RFC1: variants seen among roughly 807,000 people sequenced by gnomAD.
The protein encoded by RFC1 is replication factor C subunit 1.
In RFC1, 37 loss-of-function variants were observed where a neutral mutation model predicts 137.4. That is an observed-to-expected ratio of 0.27 (90% CI 0.21 to 0.35). The LOEUF is 0.35. RFC1 is among the 10% of genes least tolerant of loss of function. The pLI is 1.00. For synonymous variants in RFC1, 429 were observed against 455.7 expected, an observed-to-expected ratio of 0.94 and a Z score of 0.75; for missense variants, 1,205 against 1,358.5, an observed-to-expected ratio of 0.89 and a Z score of 1.78.
At chr4:39,366,041 C>T (rs1304391970) in intron 1 of RFC1, among the ~76,000 whole-genome samples, 198 bp downstream of exon 1, 1 of 152,200 alleles carries the variant, frequency 6.6e-6, no homozygotes, top group Non-Finnish European at 1.5e-5. Context: ...CGCTGGCTGC[C>T]GCCCAGAGCC....
intron 9 of RFC1, among the ~76,000 whole-genome samples, 188 bp from the exon 10 acceptor site, chr4:39,317,210 C>T (rs926321744): frequency 2.0e-5 from 3 of 152,182 alleles, no homozygotes; most frequent in Non-Finnish European, 2.9e-5. Flanking sequence ...CCTGCATCAG[C>T]GCTTCTCAAA....
chr4:39,356,839 T>C (rs1164025695), intron 1 of RFC1, among the ~76,000 whole-genome samples: 1 of 152,218 alleles, frequency 6.6e-6, no homozygotes, highest in Non-Finnish European at 1.5e-5. Context: ...TTTAACAGTC[T>C]AGCATGGGTC....
chr4:39,360,247 T>A (rs953720824), intron 1 of RFC1, among the ~76,000 whole-genome samples: 4 of 151,490 alleles, frequency 2.6e-5, no homozygotes, highest in African/African-American at 9.7e-5. Context: ...ACCCCTGTAA[T>A]CCCAGCACTT....
intron 1 of RFC1, among the ~76,000 whole-genome samples, chr4:39,365,657 C>A (rs1174793746): frequency 6.6e-6 from 1 of 152,110 alleles, no homozygotes; most frequent in African/African-American, 2.4e-5. Context: ...GCCATGTTAT[C>A]CTTTTGACTC....
chr4:39,298,861 G>T (rs535035668), intron 21 of RFC1, among the ~76,000 whole-genome samples: 1 of 152,182 alleles, frequency 6.6e-6, no homozygotes, highest in Admixed American at 6.5e-5. Flanking sequence ...GCTCATGCCT[G>T]TAATCCCAGC....
intron 5 of RFC1, among the ~76,000 whole-genome samples, chr4:39,326,975 T>C (rs1301815710): frequency 6.6e-6 from 1 of 152,216 alleles, no homozygotes; most frequent in African/African-American, 2.4e-5. Context: ...TATGTGAGAA[T>C]GATTACATTG....
At chr4:39,312,690 C>A in intron 11 of RFC1, 62 bp downstream of exon 11, 1 of 1,464,974 alleles carries the variant, frequency 6.8e-7, no homozygotes, top group Non-Finnish European at 9.4e-7. Context: ...GGGCAAATCA[C>A]ATCAAGAGTG....
intron 1 of RFC1, among the ~76,000 whole-genome samples, chr4:39,361,365 G>A (rs1355865119): frequency 6.6e-6 from 1 of 152,134 alleles, no homozygotes; most frequent in East Asian, 1.9e-4. Flanking sequence ...CTCCAGCCTG[G>A]GTAACAGCGC....
chr4:39,322,572 A>AGCATTATT (rs1440335273), intron 7 of RFC1, among the ~76,000 whole-genome samples: 1 of 152,218 alleles, frequency 6.6e-6, no homozygotes, highest in Admixed American at 6.5e-5. Context: ...AATTTTTATG[A>AGCATTATT]GCATTATTTT....
At chr4:39,361,195 C>A (rs1021668848) in intron 1 of RFC1, among the ~76,000 whole-genome samples, 1 of 152,020 alleles carries the variant, frequency 6.6e-6, no homozygotes, top group African/African-American at 2.4e-5. Context: ...TCGAGACCAG[C>A]CTGGCCAACA....
chr4:39,300,833 C>T (rs1480774196), intron 19 of RFC1, among the ~76,000 whole-genome samples: 1 of 152,182 alleles, frequency 6.6e-6, no homozygotes, highest in Non-Finnish European at 1.5e-5. Context: ...GTGGCTCACC[C>T]CTGTAATCCG....
At chr4:39,358,161 G>A (rs1578175769) in intron 1 of RFC1, among the ~76,000 whole-genome samples, 3 of 151,980 alleles carry the variant, frequency 2.0e-5, no homozygotes, top group African/African-American at 4.8e-5. Context: ...TGTAATCCCA[G>A]CTACTAGGGA....
rs144094949 is a variant in RFC1, at chr4:39,315,701, T to C, written c.1203+1214A>G. ...TAACAAGATCATCCCCAATACTCTT[T>C]CTTCTCACTTTCCACTTCAATTATC... is the stretch of plus-strand genomic sequence containing the variant. On this transcript the variant is annotated intron_variant, in intron 10 of 24. Coordinates refer to ENST00000349703, the MANE Select transcript of RFC1 (RefSeq NM_002913.5). Among the ~76,000 whole-genome samples, 171 of 152,334 alleles carry C rather than the reference T, an allele frequency of 1.1e-3. 2 individuals are homozygous for C. The East Asian group carries it at 0.024, about 22-fold the overall frequency.
At chr4:39,347,161 T>C (rs1346782291) in intron 2 of RFC1, among the ~76,000 whole-genome samples, 2 of 152,242 alleles carry the variant, frequency 1.3e-5, no homozygotes, top group East Asian at 1.9e-4. Context: ...CCACAAGATG[T>C]CCAGATATTT....
chr4:39,358,136 A>ATGG (rs747116251), intron 1 of RFC1, among the ~76,000 whole-genome samples: 1 of 151,916 alleles, frequency 6.6e-6, no homozygotes, highest in African/African-American at 2.4e-5. Flanking sequence ...ATAGCCAGGC[A>ATGG]TGGTGGTGCA....
intron 4 of RFC1, among the ~76,000 whole-genome samples, chr4:39,338,718 C>T (rs963551560): frequency 6.6e-6 from 1 of 152,112 alleles, no homozygotes; most frequent in Non-Finnish European, 1.5e-5. Context: ...TATAGTGAAG[C>T]AAATTAACAT....
rs1294463605 is a variant in RFC1, at chr4:39,302,861, A to C, written c.2216T>G (p.Leu739Arg). ...DRGGIQELIG[L>R]IKHTKIPIIC... ...AATGGGAATTTTAGTATGTTTTATC[A>C]GGCCAATTAATTCCTGAAAGGCAAG... The change falls in exon 17 of 25, where the codon CTG (leucine) becomes CGG (arginine). Residue 739 changes from leucine to arginine, a missense_variant. Leu to Arg is a moderately radical substitution (Grantham distance 102, BLOSUM62 -2). Transcript: ENST00000349703. 4 of 1,579,438 alleles carry C rather than the reference A, an allele frequency of 2.5e-6. No homozygotes were observed. The highest frequency in any genetic ancestry group is 3.4e-6 in the Non-Finnish European group (4 of 1,166,354).
At position 39,291,863 on chromosome 4, in the gene RFC1, A is replaced by C; in HGVS notation, c.2955-11T>G. 1.2e-6 allele frequency: 2 copies of C among 1,601,738 alleles called. No homozygotes were observed. The highest frequency in any genetic ancestry group is 1.7e-6 in the Non-Finnish European group (2 of 1,168,758). On this transcript the variant is annotated splice_polypyrimidine_tract_variant and intron_variant, in intron 22 of 24. Transcript: ENST00000349703. ...TTGCTGGAGTAAGTTCTGAAACCAC[A>C]ACAAAAGAGACATAGTCAACAGCAA...
chr4:39,338,442 A>C (rs1272994964), intron 4 of RFC1, among the ~76,000 whole-genome samples: 4 of 152,246 alleles, frequency 2.6e-5, no homozygotes, highest in African/African-American at 9.6e-5. Flanking sequence ...TGCAAGCCAC[A>C]TATAAAATTT....
Sources: gnomAD v4.1 joint callset for allele counts (sites outside exome capture counted in the v4.1 genomes callset) on GRCh38, gnomAD v4.1.1 for gene constraint, MANE v1.5 for transcripts, NCBI Gene and HGNC (gene_info 2026-07-23, HGNC 2026-07-21) for gene names.